Variants in CDK19 observed in about 807,000 individuals in gnomAD.
CDK19 encodes the protein cyclin dependent kinase 19, also known as cyclin-dependent kinase 19.
Under a neutral mutation model 68.3 loss-of-function variants are expected in CDK19, and 20 were observed. The ratio of observed to expected loss-of-function variants is 0.29; its 90% CI spans 0.21 to 0.43. The LOEUF (loss-of-function observed/expected upper bound fraction) is 0.43, where lower values mean the gene tolerates loss of function less well. CDK19 is among the 20% of genes least tolerant of loss of function. The probability of loss-of-function intolerance (pLI) is 1.00; values close to 1 mark genes in which losing one functional copy is unlikely to be tolerated. For synonymous variants in CDK19, 221 were observed against 222.8 expected (o/e 0.99, Z 0.07); for missense variants, 339 against 623.5 (o/e 0.54, Z 4.86).
intron 3 of CDK19, among the ~76,000 whole-genome samples, chr6:110,669,543 G>A (rs1288841390): frequency 1.3e-5 from 2 of 152,218 alleles, no homozygotes; most frequent in African/African-American, 2.4e-5. Context: ...CAGTTTGAGA[G>A]GCCAAAGTAG....
At chr6:110,626,277 A>G (rs1779082771) in intron 8 of CDK19, among the ~76,000 whole-genome samples, 1 of 152,226 alleles carries the variant, frequency 6.6e-6, no homozygotes, top group South Asian at 2.1e-4. Flanking sequence ...TTTAAATCAC[A>G]GGCATAATTA....
chr6:110,807,847 G>A (rs1413591685), intron 1 of CDK19, among the ~76,000 whole-genome samples: 1 of 147,380 alleles, frequency 6.8e-6, no homozygotes, highest in East Asian at 2.0e-4. Flanking sequence ...TCGTTCTGCT[G>A]CCCATGCTGA....
chr6:110,737,076 AAAG>A (rs1280448578), intron 2 of CDK19, among the ~76,000 whole-genome samples: 1 of 152,232 alleles, frequency 6.6e-6, no homozygotes, highest in East Asian at 1.9e-4. Flanking sequence ...CCAATTCTTC[AAAG>A]AAGGAAAGCA....
chr6:110,789,314 C>T (rs1583106007), intron 1 of CDK19, among the ~76,000 whole-genome samples: 1 of 151,718 alleles, frequency 6.6e-6, no homozygotes, highest in East Asian at 1.9e-4. Context: ...GAGTCTTGCC[C>T]TGTCACCAGG....
intron 1 of CDK19, among the ~76,000 whole-genome samples, chr6:110,790,999 G>A (rs1351253944): frequency 2.6e-5 from 4 of 151,922 alleles, no homozygotes; most frequent in East Asian, 1.9e-4. Context: ...GTGTAACCCC[G>A]TCTCTACTAA....
chr6:110,721,963 C>CAA, intron 2 of CDK19, among the ~76,000 whole-genome samples: 1 of 147,406 alleles, frequency 6.8e-6, no homozygotes, highest in South Asian at 2.1e-4. Flanking sequence ...GACTCCATCT[C>CAA]AAAAAAAAAA....
At chr6:110,811,412 C>G (rs1225236323) in intron 1 of CDK19, among the ~76,000 whole-genome samples, 1 of 152,094 alleles carries the variant, frequency 6.6e-6, no homozygotes, top group East Asian at 1.9e-4. Flanking sequence ...AGGCACCACG[C>G]TCGGCTAATT....
At chr6:110,648,494 G>A (rs1458065512) in intron 4 of CDK19, among the ~76,000 whole-genome samples, 1 of 149,004 alleles carries the variant, frequency 6.7e-6, no homozygotes, top group Non-Finnish European at 1.5e-5. Context: ...ATCAAAGAAT[G>A]TACAAGATTG....
intron 1 of CDK19, among the ~76,000 whole-genome samples, chr6:110,799,604 A>AT (rs146560749): frequency 0.023 from 3,436 of 148,836 alleles, 114 homozygotes; most frequent in African/African-American, 0.081. Flanking sequence ...GTTTTTTCTA[A>AT]TTTTTTTTTT....
intron 1 of CDK19, among the ~76,000 whole-genome samples, chr6:110,781,443 G>A (rs1050376403): frequency 3.9e-5 from 6 of 152,080 alleles, no homozygotes; most frequent in East Asian, 1.9e-4. Context: ...TTCCAACACC[G>A]GAGATCAATT....
intron 2 of CDK19, among the ~76,000 whole-genome samples, chr6:110,732,265 G>C (rs940016907): frequency 1.3e-5 from 2 of 152,052 alleles, no homozygotes; most frequent in African/African-American, 4.8e-5. Context: ...GGAGATGGAG[G>C]CAGGTGGATC....
intron 2 of CDK19, among the ~76,000 whole-genome samples, chr6:110,740,549 G>A (rs890894842): frequency 3.4e-4 from 51 of 152,066 alleles, no homozygotes; most frequent in African/African-American, 1.2e-3. Flanking sequence ...ATTCTTAAAC[G>A]TTTTTCCTTT....
chr6:110,661,060 C>A (rs1328222450), intron 4 of CDK19, among the ~76,000 whole-genome samples: 2 of 152,174 alleles, frequency 1.3e-5, no homozygotes, highest in Non-Finnish European at 2.9e-5. Flanking sequence ...TGAGTGTGGA[C>A]TATACCTAAT....
chr6:110,711,289 G>A (rs956522495), intron 2 of CDK19, among the ~76,000 whole-genome samples: 2 of 152,092 alleles, frequency 1.3e-5, no homozygotes, highest in East Asian at 1.9e-4. Flanking sequence ...AATAAATTGT[G>A]CTTATTTATT....
intron 1 of CDK19, among the ~76,000 whole-genome samples, chr6:110,751,508 G>A (rs1343725161): frequency 1.3e-5 from 2 of 152,022 alleles, no homozygotes; most frequent in Non-Finnish European, 2.9e-5. Context: ...CTGATTCTAC[G>A]TTATGGTGAG....
At chr6:110,798,541 C>A (rs768195228) in intron 1 of CDK19, among the ~76,000 whole-genome samples, 1 of 150,314 alleles carries the variant, frequency 6.7e-6, no homozygotes, top group Admixed American at 6.7e-5. Context: ...AAGAGAATCC[C>A]TTGAACCCGG....
intron 1 of CDK19, among the ~76,000 whole-genome samples, chr6:110,794,680 G>C (rs1376223984): frequency 6.6e-6 from 1 of 151,354 alleles, no homozygotes; most frequent in African/African-American, 2.4e-5. Context: ...TGGGATTACA[G>C]GGGTGAGCCA....
At chr6:110,624,286 G>A (rs187270059) in intron 8 of CDK19, among the ~76,000 whole-genome samples, 77 of 152,144 alleles carry the variant, frequency 5.1e-4, no homozygotes, top group African/African-American at 1.8e-3. Context: ...TAATCTTAGT[G>A]ATGTTCTAAT....
chr6:110,661,234 G>A (rs1234476815), intron 4 of CDK19, among the ~76,000 whole-genome samples: 2 of 152,150 alleles, frequency 1.3e-5, no homozygotes, highest in Non-Finnish European at 2.9e-5. Context: ...TGGTGCAAAA[G>A]CAATACACAT....
Sources: allele counts gnomAD v4.1 joint callset (sites outside exome capture counted in the v4.1 genomes callset), GRCh38; gene constraint gnomAD v4.1.1; transcripts MANE v1.5; gene names NCBI Gene and HGNC (gene_info 2026-07-23, HGNC 2026-07-21).